Variants in RASEF observed in about 807,000 individuals in gnomAD.
RASEF encodes the protein RAS and EF-hand domain containing.
Under a neutral mutation model 90.1 loss-of-function variants are expected in RASEF, and 68 were observed. The ratio of observed to expected loss-of-function variants is 0.75; its 90% CI spans 0.62 to 0.92. The LOEUF is 0.92. Ranked by LOEUF, RASEF falls within the 40% of genes least tolerant of loss-of-function variation. The pLI is 0.00. For missense variants in RASEF, 949 were observed against 937.2 expected (o/e 1.01, Z -0.16); for synonymous variants, 331 against 345.2 (o/e 0.96, Z 0.46).
chr9:83,027,916 T>C (rs1829576401), intron 1 of RASEF, among the ~76,000 whole-genome samples: 1 of 152,242 alleles, frequency 6.6e-6, no homozygotes, highest in Non-Finnish European at 1.5e-5. Flanking sequence ...GGACAGCTTA[T>C]ATCAGAGACT....
the RASEF span, among the ~76,000 whole-genome samples, chr9:83,198,473 CTGGCCAGCTGTCTGGA>C: frequency 1.3e-5 from 2 of 152,184 alleles, no homozygotes; most frequent in Non-Finnish European, 2.9e-5. Context: ...GATAGACTGC[CTGGCCAGCTGTCTGGA>C]TGGCAGACCC....
chr9:82,987,069 C>T (rs1188232885), intron 16 of RASEF, among the ~76,000 whole-genome samples: 3 of 152,142 alleles, frequency 2.0e-5, no homozygotes, highest in Non-Finnish European at 2.9e-5. Context: ...ATTATATGAT[C>T]TCACCCTATG....
intron 8 of RASEF, among the ~76,000 whole-genome samples, chr9:83,004,942 A>C (rs541478000): frequency 3.3e-4 from 51 of 152,296 alleles, no homozygotes; most frequent in Admixed American, 1.4e-3. Context: ...TGACTCCTCC[A>C]TATCCCAATA....
chr9:83,024,814 G>A (rs1157472123), intron 2 of RASEF, among the ~76,000 whole-genome samples: 6 of 152,202 alleles, frequency 3.9e-5, no homozygotes, highest in Non-Finnish European at 8.8e-5. Flanking sequence ...TGGATGGGAA[G>A]GATAAAGAGA....
chr9:83,104,765 C>T, the RASEF span, among the ~76,000 whole-genome samples: 2 of 152,138 alleles, frequency 1.3e-5, no homozygotes, highest in African/African-American at 4.8e-5. Flanking sequence ...TTGTGTACTT[C>T]AATATAGCCT....
the RASEF span, among the ~76,000 whole-genome samples, chr9:83,216,501 C>T: frequency 6.6e-5 from 10 of 152,118 alleles, no homozygotes; most frequent in African/African-American, 1.7e-4. Context: ...CTTGAGCCTG[C>T]GGGTACACAA....
the RASEF span, among the ~76,000 whole-genome samples, chr9:83,116,276 C>A: frequency 2.6e-5 from 4 of 152,122 alleles, no homozygotes; most frequent in African/African-American, 9.7e-5. Flanking sequence ...TTGATGAGGT[C>A]TTTATTGGCC....
chr9:82,995,658 C>T (rs1334084935), intron 14 of RASEF, among the ~76,000 whole-genome samples: 1 of 152,128 alleles, frequency 6.6e-6, no homozygotes, highest in Admixed American at 6.5e-5. Context: ...GTTGCCCAGA[C>T]TGATCTCAAA....
chr9:82,999,984 GACACACACACAC>G (rs55873985), intron 12 of RASEF, among the ~76,000 whole-genome samples, 173 bp downstream of exon 12: 1,640 of 141,094 alleles, frequency 0.012, 19 homozygotes, highest in African/African-American at 0.022. Flanking sequence ...TAGACTAGGA[GACACACACACAC>G]ACACACACAC....
At chr9:83,202,813 T>C in the RASEF span, among the ~76,000 whole-genome samples, 1 of 152,068 alleles carries the variant, frequency 6.6e-6, no homozygotes, top group African/African-American at 2.4e-5. Flanking sequence ...TTTTAAGTGT[T>C]CTCACCACAG....
chr9:82,980,248 T>A lies in RASEF; in HGVS notation c.*2429A>T, dbSNP rs574866096. The A allele has an allele frequency of 6.6e-6, 1 of 152,146 alleles. No individual in the cohort carries two copies. The highest frequency in any genetic ancestry group is 1.5e-5 in the Non-Finnish European group (1 of 68,024). 9.4% of individuals were successfully genotyped at this position (152,146 alleles called of 1,614,324 possible). A position where few individuals can be genotyped will look rare whatever the true frequency, so the allele number is the denominator to read the frequency against. On this transcript the variant is annotated 3_prime_UTR_variant, in exon 17 of 17. Transcript: ENST00000376447. Reference sequence around the variant, plus strand: ...AGTCTAAGATAAAAACATTAAATATTTTTGTTCTTACTGAAAATGTGCTTT... The same window carrying A: ...AGTCTAAGATAAAAACATTAAATATATTTGTTCTTACTGAAAATGTGCTTT...
At chr9:83,200,792 G>C in the RASEF span, 1 of 152,204 alleles carries the variant, frequency 6.6e-6, no homozygotes, top group African/African-American at 2.4e-5. Context: ...CATAGCCTAT[G>C]TTGTGGTTCC....
At chr9:83,210,823 C>T in the RASEF span, among the ~76,000 whole-genome samples, 5,081 of 152,222 alleles carry the variant, frequency 0.033, 292 homozygotes, top group African/African-American at 0.12. Flanking sequence ...GGGGTTTCCC[C>T]GACACATGGC....
chr9:83,189,329 G>T, the RASEF span, among the ~76,000 whole-genome samples: 1 of 152,216 alleles, frequency 6.6e-6, no homozygotes, highest in South Asian at 2.1e-4. Context: ...GTTTCCTGAG[G>T]TCTCCCCAGC....
chr9:83,098,399 TC>T, the RASEF span, among the ~76,000 whole-genome samples: 7 of 152,334 alleles, frequency 4.6e-5, no homozygotes, highest in East Asian at 1.4e-3. Context: ...CTATGATTAA[TC>T]CCACGATTTT....
intron 1 of RASEF, among the ~76,000 whole-genome samples, chr9:83,040,870 T>C (rs545764294): frequency 1.3e-5 from 2 of 152,298 alleles, no homozygotes; most frequent in East Asian, 1.9e-4. Flanking sequence ...TTTATATATA[T>C]ATTTTTTGAG....
At chr9:83,004,397 C>G in intron 9 of RASEF, 101 bp downstream of exon 9, 1 of 391,882 alleles carries the variant, frequency 2.6e-6, no homozygotes, top group Non-Finnish European at 4.5e-6. Flanking sequence ...AAATTAGTGA[C>G]CAAAGTATAT....
the RASEF span, among the ~76,000 whole-genome samples, chr9:83,167,339 A>T: frequency 6.7e-6 from 1 of 148,356 alleles, no homozygotes; most frequent in Non-Finnish European, 1.5e-5. Flanking sequence ...CAATGTCTTG[A>T]GTAAATCACC....
chr9:83,143,156 C>T, the RASEF span, among the ~76,000 whole-genome samples: 3 of 152,224 alleles, frequency 2.0e-5, no homozygotes, highest in African/African-American at 4.8e-5. Flanking sequence ...TTTATTCAGG[C>T]AGGAGTGAAG....
Sources: allele counts gnomAD v4.1 joint callset (sites outside exome capture counted in the v4.1 genomes callset), GRCh38; gene constraint gnomAD v4.1.1; transcripts MANE v1.5; gene names NCBI Gene and HGNC (gene_info 2026-07-23, HGNC 2026-07-21).